Variants in SNTG1 observed in about 807,000 individuals in gnomAD.
The protein encoded by SNTG1 is syntrophin gamma 1.
A neutral mutation model predicts 74.7 loss-of-function variants in SNTG1; 39 were observed. The observed-to-expected ratio is 0.52, with a 90% CI of 0.40 to 0.68. The LOEUF (loss-of-function observed/expected upper bound fraction) is 0.68, where lower values mean the gene tolerates loss of function less well. Among genes scored for constraint, SNTG1 ranks in the 30% least tolerant of loss-of-function variants. The pLI is 0.00. For synonymous variants in SNTG1, 254 were observed against 217.1 expected (o/e 1.17, Z -1.49); for missense variants, 685 against 609.5 (o/e 1.12, Z -1.30).
rs550593090 is a variant in SNTG1, at chr8:50,662,702, G to A, written c.1038+4039G>A. ...GAGCCAGCCTGGTACTGATGAGAGA[G>A]CAAAGGTTTCAGAAAAAGGAATTTG... On this transcript the variant is annotated intron_variant, in intron 15 of 18. Coordinates refer to ENST00000642720, the MANE Select transcript of SNTG1 (RefSeq NM_018967.5). Among the ~76,000 whole-genome samples, 87 of 152,128 alleles carry A rather than the reference G, an allele frequency of 5.7e-4. No individual in the cohort carries two copies. The Middle Eastern group carries it at 0.01, about 18-fold the overall frequency.
chr8:50,711,884 G>T (rs1301918753), intron 17 of SNTG1, among the ~76,000 whole-genome samples: 4 of 152,090 alleles, frequency 2.6e-5, no homozygotes, highest in Non-Finnish European at 5.9e-5. Flanking sequence ...TTAAAATGTA[G>T]CATTTTCACT....
chr8:50,412,132 GA>G (rs2092957452), intron 4 of SNTG1, among the ~76,000 whole-genome samples: 1 of 152,130 alleles, frequency 6.6e-6, no homozygotes, highest in Non-Finnish European at 1.5e-5. Flanking sequence ...CTAGGTATAA[GA>G]TTCATATTAA....
At chr8:50,283,636 G>A (rs1379506564) in intron 2 of SNTG1, among the ~76,000 whole-genome samples, 29 of 152,042 alleles carry the variant, frequency 1.9e-4, no homozygotes, top group Non-Finnish European at 2.9e-5. Flanking sequence ...ACTTTTAAAA[G>A]TTTCTCATTC....
At position 50,788,443 on chromosome 8, in the gene SNTG1, T is replaced by C. The variant is rs147872587; in HGVS notation, c.1396-4228T>C. ...TGGGAAACAGGTATGCAAATGTAGA[T>C]GATGACTTAGTTGGCTCTCAATTTT... is the stretch of plus-strand genomic sequence containing the variant. On this transcript the variant is annotated intron_variant, in intron 18 of 18. Transcript: ENST00000642720. 8.1e-4 allele frequency among the ~76,000 whole-genome samples: 123 copies of C among 152,174 alleles called. 4 individuals carry two copies. The East Asian group carries it at 0.017, about 21-fold the overall frequency.
At chr8:50,115,364 C>G (rs1335076109) in intron 1 of SNTG1, among the ~76,000 whole-genome samples, 3 of 151,576 alleles carry the variant, frequency 2.0e-5, no homozygotes, top group East Asian at 2.0e-4. Context: ...GTCAGGAGTT[C>G]AAGATCAGCC....
At chr8:50,388,011 T>G (rs557961588) in intron 2 of SNTG1, among the ~76,000 whole-genome samples, 9 of 152,186 alleles carry the variant, frequency 5.9e-5, no homozygotes, top group Non-Finnish European at 1.0e-4. Flanking sequence ...CGTCTGTGTT[T>G]AACAGAAGAA....
intron 18 of SNTG1, among the ~76,000 whole-genome samples, chr8:50,784,556 C>T (rs888041443): frequency 6.6e-5 from 10 of 151,876 alleles, no homozygotes; most frequent in South Asian, 4.2e-4. Flanking sequence ...GAGGCGAAAT[C>T]GAAGAGAAAA....
intron 1 of SNTG1, among the ~76,000 whole-genome samples, chr8:49,957,733 A>C (rs1810304034): frequency 6.6e-6 from 1 of 152,116 alleles, no homozygotes; most frequent in Non-Finnish European, 1.5e-5. Flanking sequence ...AGTTGACCGA[A>C]AGGGGTGATG....
chr8:50,293,428 T>TA (rs2089219324), intron 2 of SNTG1, among the ~76,000 whole-genome samples: 1 of 150,960 alleles, frequency 6.6e-6, no homozygotes, highest in Non-Finnish European at 1.5e-5. Flanking sequence ...TTTTTTTTTT[T>TA]AGACTGAGTC....
At chr8:50,127,180 A>T (rs2081170406) in intron 1 of SNTG1, among the ~76,000 whole-genome samples, 1 of 152,124 alleles carries the variant, frequency 6.6e-6, no homozygotes, top group Non-Finnish European at 1.5e-5. Context: ...TTGCTGACGC[A>T]GAGCTAGGAG....
At chr8:50,194,431 C>T (rs2083689500) in intron 2 of SNTG1, among the ~76,000 whole-genome samples, 1 of 152,038 alleles carries the variant, frequency 6.6e-6, no homozygotes, top group Non-Finnish European at 1.5e-5. Context: ...CTCATCTCTT[C>T]TAGATTTTCT....
At chr8:50,224,442 G>A (rs754335929) in intron 2 of SNTG1, among the ~76,000 whole-genome samples, 62 of 152,284 alleles carry the variant, frequency 4.1e-4, no homozygotes, top group Non-Finnish European at 1.5e-4. Context: ...CCAGAACTCA[G>A]TTTTCAAAGG....
At chr8:50,052,718 C>T (rs1026064876) in intron 1 of SNTG1, among the ~76,000 whole-genome samples, 8 of 152,004 alleles carry the variant, frequency 5.3e-5, no homozygotes, top group Non-Finnish European at 1.0e-4. Flanking sequence ...TTTTAACTGA[C>T]AGTAAAAAGA....
intron 2 of SNTG1, among the ~76,000 whole-genome samples, chr8:50,210,062 C>T (rs189532790): frequency 2.6e-5 from 4 of 152,148 alleles, no homozygotes; most frequent in Admixed American, 1.3e-4. Context: ...AACCATGGCA[C>T]GAGAACTACG....
At chr8:50,226,319 A>T (rs1366176542) in intron 2 of SNTG1, among the ~76,000 whole-genome samples, 1 of 152,214 alleles carries the variant, frequency 6.6e-6, no homozygotes, top group Non-Finnish European at 1.5e-5. Context: ...CTATGAGACA[A>T]GGAAGAAAAT....
intron 18 of SNTG1, among the ~76,000 whole-genome samples, chr8:50,791,012 T>C (rs2095689259): frequency 6.6e-6 from 1 of 151,988 alleles, no homozygotes; most frequent in Non-Finnish European, 1.5e-5. Context: ...CTTATTTTTG[T>C]TGTTGTTGTT....
intron 1 of SNTG1, among the ~76,000 whole-genome samples, chr8:49,971,395 C>A (rs1181303955): frequency 6.6e-6 from 1 of 152,076 alleles, no homozygotes; most frequent in African/African-American, 2.4e-5. Flanking sequence ...CTATGACAAA[C>A]CCACAGCCAA....
intron 18 of SNTG1, among the ~76,000 whole-genome samples, chr8:50,780,194 G>C (rs1449074103): frequency 6.6e-6 from 1 of 152,172 alleles, no homozygotes; most frequent in South Asian, 2.1e-4. Flanking sequence ...CCTGGCTTTG[G>C]TATCAGGATG....
intron 5 of SNTG1, among the ~76,000 whole-genome samples, chr8:50,440,474 C>T (rs1370043170): frequency 6.6e-6 from 1 of 151,996 alleles, no homozygotes; most frequent in African/African-American, 2.4e-5. Flanking sequence ...GTTGAATAAA[C>T]TACTGTGTTT....
Sources: gnomAD v4.1 joint callset for allele counts (sites outside exome capture counted in the v4.1 genomes callset) on GRCh38, gnomAD v4.1.1 for gene constraint, MANE v1.5 for transcripts, NCBI Gene and HGNC (gene_info 2026-07-23, HGNC 2026-07-21) for gene names.